The following RABGAP1L variants were observed in gnomAD, a reference collection of about 807,000 sequenced individuals.
RABGAP1L encodes the protein RAB GTPase activating protein 1 like.
RABGAP1L carries 63 observed loss-of-function variants against 137.7 expected under a neutral mutation model. The observed-to-expected ratio is 0.46, with a 90% CI of 0.37 to 0.56. RABGAP1L has a LOEUF of 0.56. RABGAP1L is among the 20% of genes least tolerant of loss of function. RABGAP1L has a pLI of 0.00. For missense variants in RABGAP1L, 1,095 were observed against 1,244.0 expected (o/e 0.88, Z 1.80); for synonymous variants, 431 against 433.7 (o/e 0.99, Z 0.08).
intron 13 of RABGAP1L, among the ~76,000 whole-genome samples, chr1:174,551,118 A>G (rs959427709): frequency 6.7e-6 from 1 of 148,782 alleles, no homozygotes; most frequent in Admixed American, 6.7e-5. Context: ...CTGAGGGAGG[A>G]GAATTGCTTG....
chr1:174,363,803 T>G (rs1684342754), intron 11 of RABGAP1L, among the ~76,000 whole-genome samples: 1 of 152,062 alleles, frequency 6.6e-6, no homozygotes, highest in African/African-American at 2.4e-5. Context: ...ATTGAAATGC[T>G]CATATGGTTT....
In RABGAP1L at chr1:174,539,792, C is replaced by T. The variant is rs571236318; in HGVS notation, c.1711-97583C>T. On this transcript the variant is annotated intron_variant, in intron 13 of 25. Coordinates refer to ENST00000681986, the MANE Select transcript of RABGAP1L (RefSeq NM_001366446.1). ...CTTTATAACAGCATGATTTATAATC[C>T]TTCGGGTTTATACCCAGTAATGGGA... Among the ~76,000 whole-genome samples, 4 of 152,260 alleles carry T rather than the reference C, an allele frequency of 2.6e-5. No homozygotes were observed. In the South Asian group the frequency reaches 8.3e-4, roughly 32 times the overall value.
intron 7 of RABGAP1L, among the ~76,000 whole-genome samples, chr1:174,270,917 TAG>T (rs1052577741): frequency 6.6e-6 from 1 of 152,146 alleles, no homozygotes; most frequent in Non-Finnish European, 1.5e-5. Flanking sequence ...CCTAATTTTT[TAG>T]AGAGTCAAAT....
At position 174,518,490 on chromosome 1, in the gene RABGAP1L, A is replaced by G. The variant is rs1408885929; in HGVS notation, c.1711-118885A>G. ...TAAGTGTATTTTTGTTTGTATTTTTATTGCTGTATTGTTATTTTTTTCCTG... is the reference window on the plus strand; with the variant it reads ...TAAGTGTATTTTTGTTTGTATTTTTGTTGCTGTATTGTTATTTTTTTCCTG... On this transcript the variant is annotated intron_variant, in intron 13 of 25. Coordinates refer to ENST00000681986, the MANE Select transcript of RABGAP1L (RefSeq NM_001366446.1). Among the ~76,000 whole-genome samples, 5 of 152,134 alleles carry G rather than the reference A, an allele frequency of 3.3e-5. No individual in the cohort carries two copies. The East Asian group carries it at 9.7e-4, about 29-fold the overall frequency.
intron 13 of RABGAP1L, among the ~76,000 whole-genome samples, chr1:174,541,804 G>C (rs191871533): frequency 2.0e-4 from 31 of 152,224 alleles, no homozygotes; most frequent in Middle Eastern, 6.8e-3. Flanking sequence ...TAGCGTGAAG[G>C]GCTGTTGAAT....
At chr1:174,734,824 T>C (rs1682794869) in intron 17 of RABGAP1L, among the ~76,000 whole-genome samples, 1 of 152,160 alleles carries the variant, frequency 6.6e-6, no homozygotes, top group African/African-American at 2.4e-5. Flanking sequence ...TTTTTGCTTA[T>C]TTATATGCCT....
At chr1:174,345,114 CTG>C (rs1682320360) in intron 11 of RABGAP1L, among the ~76,000 whole-genome samples, 1 of 152,160 alleles carries the variant, frequency 6.6e-6, no homozygotes, top group Non-Finnish European at 1.5e-5. Flanking sequence ...GGATTTATTT[CTG>C]TGTCCTCTCT....
chr1:174,538,390 C>T (rs1322527578), intron 13 of RABGAP1L, among the ~76,000 whole-genome samples: 2 of 152,144 alleles, frequency 1.3e-5, no homozygotes, highest in Admixed American at 6.6e-5. Flanking sequence ...ATATAAACTA[C>T]GTAAGAATAA....
intron 11 of RABGAP1L, among the ~76,000 whole-genome samples, chr1:174,331,511 A>G (rs1681030665): frequency 6.6e-6 from 1 of 152,232 alleles, no homozygotes; most frequent in South Asian, 2.1e-4. Context: ...ATGACATACA[A>G]ATAGTCAACA....
intron 19 of RABGAP1L, among the ~76,000 whole-genome samples, chr1:174,833,854 G>A (rs1293574198): frequency 6.6e-6 from 1 of 152,076 alleles, no homozygotes; most frequent in African/African-American, 2.4e-5. Flanking sequence ...GAAAATAGTA[G>A]GAAGCTAACT....
At chr1:174,847,588 G>A (rs1477791847) in intron 19 of RABGAP1L, among the ~76,000 whole-genome samples, 2 of 138,436 alleles carry the variant, frequency 1.4e-5, no homozygotes, top group East Asian at 2.2e-4. Context: ...GGTTTCTGCC[G>A]AGAGATCTGC....
chr1:174,877,684 G>C, intron 19 of RABGAP1L: 1 of 1,412,734 alleles, frequency 7.1e-7, no homozygotes, highest in Non-Finnish European at 9.9e-7. Context: ...AGCAACTGAG[G>C]CATAACTTGC....
At chr1:174,612,346 G>T (rs1671334391) in intron 13 of RABGAP1L, among the ~76,000 whole-genome samples, 2 of 152,140 alleles carry the variant, frequency 1.3e-5, no homozygotes, top group Admixed American at 1.3e-4. Context: ...CTGTTTATAT[G>T]CTGGATTACA....
intron 13 of RABGAP1L, among the ~76,000 whole-genome samples, chr1:174,609,798 G>A (rs900222658): frequency 6.6e-6 from 1 of 152,070 alleles, no homozygotes; most frequent in Non-Finnish European, 1.5e-5. Flanking sequence ...TTAAAATAAT[G>A]CAGGGATTGA....
At chr1:174,984,471 T>G (rs1179719330) in intron 24 of RABGAP1L, among the ~76,000 whole-genome samples, 1 of 152,198 alleles carries the variant, frequency 6.6e-6, no homozygotes. Flanking sequence ...CCAGGTGTGG[T>G]GGCTCACGCC....
chr1:174,602,503 A>G (rs552747809), intron 13 of RABGAP1L, among the ~76,000 whole-genome samples: 3 of 152,320 alleles, frequency 2.0e-5, no homozygotes, highest in Admixed American at 2.0e-4. Flanking sequence ...AACACGTGGA[A>G]ATTCTGGGAG....
intron 1 of RABGAP1L, among the ~76,000 whole-genome samples, chr1:174,176,741 A>AAAAAAAAAAT (rs755688394): frequency 1.5e-4 from 17 of 111,794 alleles, no homozygotes; most frequent in African/African-American, 5.7e-4. Flanking sequence ...AAAAAAAAAA[A>AAAAAAAAAAT]AAAAAGGTCA....
At chr1:174,744,338 A>T (rs567511465) in intron 17 of RABGAP1L, among the ~76,000 whole-genome samples, 4 of 150,018 alleles carry the variant, frequency 2.7e-5, no homozygotes, top group Admixed American at 2.7e-4. Flanking sequence ...AAGAGCAGCT[A>T]GTATTAACTT....
chr1:174,364,470 G>T (rs1684439995), intron 11 of RABGAP1L, among the ~76,000 whole-genome samples: 1 of 151,050 alleles, frequency 6.6e-6, no homozygotes, highest in Non-Finnish European at 1.5e-5. Flanking sequence ...TAGCCGGGAT[G>T]GTCTCGATCT....
Sources: gnomAD v4.1 joint callset for allele counts (sites outside exome capture counted in the v4.1 genomes callset) on GRCh38, gnomAD v4.1.1 for gene constraint, MANE v1.5 for transcripts, NCBI Gene and HGNC (gene_info 2026-07-23, HGNC 2026-07-21) for gene names.